Variants in HSF2BP observed in about 807,000 individuals in gnomAD.
HSF2BP encodes the protein heat shock factor 2-binding protein.
HSF2BP carries 35 observed loss-of-function variants against 35.0 expected under a neutral mutation model. The ratio of observed to expected loss-of-function variants is 1.00; its 90% CI spans 0.76 to 1.32. The LOEUF is 1.32. Ranked by LOEUF, HSF2BP falls within the 40% of genes most tolerant of loss-of-function variation. HSF2BP has a pLI of 0.00. For synonymous variants in HSF2BP, 114 were observed against 117.4 expected (o/e 0.97, Z 0.18); for missense variants, 326 against 321.7 (o/e 1.01, Z -0.10).
chr21:43,613,665 T>C (rs1430606771), intron 7 of HSF2BP, among the ~76,000 whole-genome samples, 165 bp downstream of exon 7: 1 of 152,228 alleles, frequency 6.6e-6, no homozygotes, highest in Admixed American at 6.5e-5. Context: ...TTTTCTAAAA[T>C]GCTATTTAAG....
chr21:43,650,573 A>G (rs926874021), intron 3 of HSF2BP, among the ~76,000 whole-genome samples: 2 of 152,056 alleles, frequency 1.3e-5, no homozygotes, highest in African/African-American at 4.8e-5. Context: ...CCACTGATTT[A>G]TTCACCACTG....
At chr21:43,637,879 C>T (rs937790973) in intron 4 of HSF2BP, among the ~76,000 whole-genome samples, 5 of 151,554 alleles carry the variant, frequency 3.3e-5, no homozygotes, top group Non-Finnish European at 5.9e-5. Context: ...ATTTTATAAA[C>T]GCATCTGCAA....
At chr21:43,575,462 C>T (rs1344765835) in intron 8 of HSF2BP, among the ~76,000 whole-genome samples, 16 of 152,234 alleles carry the variant, frequency 1.1e-4, no homozygotes, top group Admixed American at 9.8e-4. Context: ...TGATACCTAA[C>T]ACTGTGGGAC....
intron 6 of HSF2BP, among the ~76,000 whole-genome samples, chr21:43,619,833 A>G (rs1473000138): frequency 6.6e-6 from 1 of 152,246 alleles, no homozygotes; most frequent in Non-Finnish European, 1.5e-5. Context: ...TAACTTGGCC[A>G]GAGAAGACAC....
At chr21:43,634,473 C>T (rs2147030221) in intron 4 of HSF2BP, among the ~76,000 whole-genome samples, 1 of 152,166 alleles carries the variant, frequency 6.6e-6, no homozygotes. Flanking sequence ...TTACATAAAC[C>T]ACAAAATTAA....
chr21:43,657,335 G>A (rs1481233740), intron 2 of HSF2BP, among the ~76,000 whole-genome samples: 4 of 152,184 alleles, frequency 2.6e-5, no homozygotes, highest in African/African-American at 9.7e-5. Flanking sequence ...ACTCCAGTCT[G>A]GGCAACAGAG....
intron 8 of HSF2BP, among the ~76,000 whole-genome samples, chr21:43,578,855 T>G (rs572601014): frequency 1.2e-3 from 182 of 152,318 alleles, no homozygotes; most frequent in Non-Finnish European, 1.7e-3. Context: ...CTCTGTGGCC[T>G]GGCAGGGCAC....
intron 7 of HSF2BP, among the ~76,000 whole-genome samples, chr21:43,608,964 C>A (rs1157601238): frequency 1.3e-5 from 2 of 152,106 alleles, no homozygotes; most frequent in Admixed American, 1.3e-4. Flanking sequence ...AACAGCCAGA[C>A]CCTGTCTCAA....
intron 7 of HSF2BP, among the ~76,000 whole-genome samples, chr21:43,601,769 G>A (rs1238758182): frequency 6.6e-6 from 1 of 152,132 alleles, no homozygotes; most frequent in Non-Finnish European, 1.5e-5. Context: ...TGGAAATGAT[G>A]AGGACTCTAA....
chr21:43,617,931 G>A (rs2082289512), intron 6 of HSF2BP, among the ~76,000 whole-genome samples: 1 of 151,980 alleles, frequency 6.6e-6, no homozygotes, highest in Admixed American at 6.6e-5. Flanking sequence ...TCCAGCCTGG[G>A]CAACAGAGCA....
Position 43,587,900 on chromosome 21 carries a change from C to T in HSF2BP, c.796+4325G>A, listed in dbSNP as rs143096111. Reference sequence around the variant, plus strand: ...ACTCATTACAATTTTCACTCACCCCCGGAAACTTCCGGAGGACCAGAGCTA... The same window carrying T: ...ACTCATTACAATTTTCACTCACCCCTGGAAACTTCCGGAGGACCAGAGCTA... On this transcript the variant is annotated intron_variant, in intron 8 of 8. Transcript: ENST00000291560. Among the ~76,000 whole-genome samples, 852 of 152,198 alleles carry T rather than the reference C, an allele frequency of 5.6e-3. 15 individuals carry two copies. Among genetic ancestry groups the T allele is most frequent in the African/African-American group, 0.019 (807 of 41,500 alleles).
intron 8 of HSF2BP, among the ~76,000 whole-genome samples, chr21:43,591,383 C>T (rs1017892336): frequency 5.3e-5 from 8 of 152,178 alleles, no homozygotes; most frequent in African/African-American, 1.7e-4. Context: ...CACATACCCA[C>T]ATAGAGTACT....
At chr21:43,575,426 C>T (rs189177089) in intron 8 of HSF2BP, among the ~76,000 whole-genome samples, 42 of 152,338 alleles carry the variant, frequency 2.8e-4, no homozygotes, top group African/African-American at 9.6e-4. Flanking sequence ...GACACTGTAG[C>T]TCTTCAATTG....
At chr21:43,640,258 G>A (rs1568935497) in intron 4 of HSF2BP, among the ~76,000 whole-genome samples, 1 of 152,234 alleles carries the variant, frequency 6.6e-6, no homozygotes, top group Non-Finnish European at 1.5e-5. Flanking sequence ...CCATGATCCT[G>A]CCACTGCATG....
rs2146818753 is a variant in HSF2BP, at chr21:43,597,444, G to A, written c.693-5116C>T. Reference sequence around the variant, plus strand: ...TTAAGGGAGTATCAAAATGCCCAGTGGCCCATATTTTTAAAAATGTAATGC... The same window carrying A: ...TTAAGGGAGTATCAAAATGCCCAGTAGCCCATATTTTTAAAAATGTAATGC... On this transcript the variant is annotated intron_variant, in intron 7 of 8. Transcript: ENST00000291560. This position sits in a 1 kb window ranked among gnomAD's most constrained non-coding sequence, Gnocchi z 4.3. Among the ~76,000 whole-genome samples the A allele has an allele frequency of 1.3e-5, 2 of 151,990 alleles. No homozygotes were observed. The highest frequency in any genetic ancestry group is 4.2e-4 in the South Asian group (2 of 4,802).
At chr21:43,642,363 AAAAT>A (rs2082648300) in intron 4 of HSF2BP, among the ~76,000 whole-genome samples, 1 of 152,116 alleles carries the variant, frequency 6.6e-6, no homozygotes, top group Non-Finnish European at 1.5e-5. Context: ...CCTGTCTCAA[AAAAT>A]AAATAAATAA....
intron 8 of HSF2BP, among the ~76,000 whole-genome samples, chr21:43,575,236 C>T (rs963610500): frequency 2.6e-5 from 4 of 152,222 alleles, no homozygotes; most frequent in Non-Finnish European, 5.9e-5. Flanking sequence ...TATGAAAACA[C>T]GACGCTCCAC....
chr21:43,651,620 C>T (rs2082787167), intron 3 of HSF2BP, among the ~76,000 whole-genome samples: 2 of 151,924 alleles, frequency 1.3e-5, no homozygotes, highest in South Asian at 4.1e-4. Context: ...AAATTAAAAA[C>T]AATCTATGAT....
At chr21:43,606,777 T>C (rs2082140314) in intron 7 of HSF2BP, among the ~76,000 whole-genome samples, 2 of 152,032 alleles carry the variant, frequency 1.3e-5, no homozygotes, top group Admixed American at 1.3e-4. Flanking sequence ...GTCAGAAAAG[T>C]ACAGTGATGA....
Sources: allele counts gnomAD v4.1 joint callset (sites outside exome capture counted in the v4.1 genomes callset), GRCh38; gene constraint gnomAD v4.1.1; non-coding constraint Gnocchi (gnomAD v3.1); transcripts MANE v1.5; gene names NCBI Gene and HGNC (gene_info 2026-07-23, HGNC 2026-07-21).